SCN3A: variants seen among roughly 807,000 people sequenced by gnomAD.
SCN3A encodes the protein sodium channel protein type 3 subunit alpha.
In SCN3A, 60 loss-of-function variants were observed where a neutral mutation model predicts 187.6. The observed-to-expected ratio is 0.32, with a 90% CI of 0.26 to 0.40. The LOEUF (loss-of-function observed/expected upper bound fraction) is 0.40, where lower values mean the gene tolerates loss of function less well. Ranked by LOEUF, SCN3A falls within the 10% of genes least tolerant of loss-of-function variation. SCN3A has a pLI of 1.00. For synonymous variants in SCN3A, 788 were observed against 829.2 expected, an observed-to-expected ratio of 0.95 and a Z score of 0.85; for missense variants, 1,601 against 2,428.2, an observed-to-expected ratio of 0.66 and a Z score of 7.16.
At chr2:165,138,988 G>C (rs1373188309) in intron 14 of SCN3A, among the ~76,000 whole-genome samples, 2 of 152,110 alleles carry the variant, frequency 1.3e-5, no homozygotes, top group African/African-American at 2.4e-5. Flanking sequence ...GGAATGTAAT[G>C]GTTGCTGTGT....
In SCN3A at chr2:165,113,798, A is replaced by C; in HGVS notation, c.3669+18T>G. 6.2e-7 allele frequency: 1 copy of C among 1,612,134 alleles called. No individual in the cohort carries two copies. The highest frequency in any genetic ancestry group is 8.5e-7 in the Non-Finnish European group (1 of 1,178,302). On this transcript the variant is annotated intron_variant, in intron 20 of 27. Transcript: ENST00000283254. ...ATTTCACCAGAATCTGATTCTTGCC[A>C]ATATGCATTTCACTTACCAATGCAC...
At chr2:165,126,009 A>G (rs1205615966) in intron 18 of SCN3A, among the ~76,000 whole-genome samples, 1 of 152,198 alleles carries the variant, frequency 6.6e-6, no homozygotes, top group Non-Finnish European at 1.5e-5. Context: ...GCAACTCTAA[A>G]ATACCTGAAA....
At chr2:165,091,445 A>G in intron 27 of SCN3A, 100 bp from the exon 28 acceptor site, 1 of 1,371,548 alleles carries the variant, frequency 7.3e-7, no homozygotes, top group Non-Finnish European at 1.0e-6. Context: ...CTTGTTATGA[A>G]TATGAGCCTT....
chr2:165,149,735 A>C (rs1294800186), intron 11 of SCN3A, among the ~76,000 whole-genome samples: 1 of 152,196 alleles, frequency 6.6e-6, no homozygotes, highest in African/African-American at 2.4e-5. Context: ...CCTGCGTATG[A>C]GAATAACTGT....
At chr2:165,192,218 C>T (rs1691658305) in intron 1 of SCN3A, among the ~76,000 whole-genome samples, 1 of 151,876 alleles carries the variant, frequency 6.6e-6, no homozygotes, top group Non-Finnish European at 1.5e-5. Context: ...CATTACAATC[C>T]TCTTTACCTC....
chr2:165,169,806 C>A (rs1293616122), intron 4 of SCN3A, among the ~76,000 whole-genome samples: 1 of 151,890 alleles, frequency 6.6e-6, no homozygotes, highest in Non-Finnish European at 1.5e-5. Context: ...GAAATCCAAA[C>A]ATATTCTGCC....
chr2:165,095,672 A>G (rs765089165), intron 24 of SCN3A, 24 bp from the exon 25 acceptor site: 27 of 1,210,884 alleles, frequency 2.2e-5, no homozygotes, highest in Non-Finnish European at 3.0e-5. Context: ...AAAATATTAA[A>G]TAATATGAAA....
chr2:165,165,572 GT>G (rs907751442), intron 5 of SCN3A, among the ~76,000 whole-genome samples: 28 of 151,724 alleles, frequency 1.8e-4, no homozygotes, highest in African/African-American at 6.3e-4. Context: ...TGCTGTTTTC[GT>G]TTTTTTCCCA....
rs1173729841 is a variant in SCN3A at position 165,166,971 on chromosome 2, C to T, written c.473+1765G>A. Among the ~76,000 whole-genome samples, 5 of 151,222 alleles carry T rather than the reference C, an allele frequency of 3.3e-5. 1 individual carries two copies. The highest frequency in any genetic ancestry group is 4.2e-4 in the South Asian group (2 of 4,804). Reference sequence around the variant, plus strand: ...CTGGAATGCAGTGGTGGGATCTTGGCTCACTGCAACCTCCACCTCCTGGGT... The same window carrying T: ...CTGGAATGCAGTGGTGGGATCTTGGTTCACTGCAACCTCCACCTCCTGGGT... On this transcript the variant is annotated intron_variant, in intron 5 of 27. Coordinates refer to ENST00000283254, the MANE Select transcript of SCN3A (RefSeq NM_006922.4).
At chr2:165,197,088 T>C (rs1000580819) in intron 1 of SCN3A, among the ~76,000 whole-genome samples, 2 of 152,158 alleles carry the variant, frequency 1.3e-5, no homozygotes, top group Non-Finnish European at 2.9e-5. Flanking sequence ...GATAATAAAT[T>C]AACAATTTCA....
chr2:165,177,116 C>T (rs988282012), intron 2 of SCN3A, among the ~76,000 whole-genome samples: 1 of 152,142 alleles, frequency 6.6e-6, no homozygotes, highest in Non-Finnish European at 1.5e-5. Context: ...TTAGTATTTC[C>T]TTTCTTTTAT....
At chr2:165,157,843 T>C (rs551534475) in intron 9 of SCN3A, among the ~76,000 whole-genome samples, 87 of 152,340 alleles carry the variant, frequency 5.7e-4, no homozygotes, top group Non-Finnish European at 1.0e-3. Flanking sequence ...TCAAATGGCT[T>C]CATCTTTGGC....
intron 18 of SCN3A, among the ~76,000 whole-genome samples, chr2:165,126,081 G>C (rs1686972524): frequency 6.6e-6 from 1 of 152,050 alleles, no homozygotes; most frequent in Admixed American, 6.6e-5. Flanking sequence ...TTCAGATCAA[G>C]TTTTGTTGAT....
At position 165,089,999 on chromosome 2, in the gene SCN3A, G is replaced by A. The variant is rs1193180190; in HGVS notation, c.*151C>T. The A allele has an allele frequency of 9.5e-7, 1 of 1,048,120 alleles. No individual in the cohort carries two copies. Among genetic ancestry groups the A allele is most frequent in the African/African-American group, 1.6e-5 (1 of 62,090 alleles). The allele number at this position is 1,048,120 out of a possible 1,614,324, so 64.9% of individuals were successfully genotyped here. On this transcript the variant is annotated 3_prime_UTR_variant, in exon 28 of 28. Coordinates refer to ENST00000283254, the MANE Select transcript of SCN3A (RefSeq NM_006922.4). ...TTCACAGAGTTGCAGTGACAGAGAG[G>A]TCACTTCACTGTCTTGTATAGGCAC...
At chr2:165,174,123 A>G (rs1345555128) in intron 3 of SCN3A, among the ~76,000 whole-genome samples, 1 of 152,186 alleles carries the variant, frequency 6.6e-6, no homozygotes, top group Non-Finnish European at 1.5e-5. Flanking sequence ...AGCTCACTGC[A>G]GCCTCAAACT....
chr2:165,166,337 G>A (rs577556467), intron 5 of SCN3A, among the ~76,000 whole-genome samples: 1 of 152,168 alleles, frequency 6.6e-6, no homozygotes, highest in South Asian at 2.1e-4. Context: ...GGTTGGGCAG[G>A]TAAGTGGGAG....
chr2:165,178,177 ATCTAT>A (rs1690590177), intron 2 of SCN3A, among the ~76,000 whole-genome samples: 1 of 152,048 alleles, frequency 6.6e-6, no homozygotes, highest in Admixed American at 6.5e-5. Context: ...TAGTTCCCTG[ATCTAT>A]TCCAATGACA....
intron 11 of SCN3A, among the ~76,000 whole-genome samples, chr2:165,149,012 T>C (rs1443775122): frequency 6.6e-6 from 1 of 152,124 alleles, no homozygotes; most frequent in Non-Finnish European, 1.5e-5. Flanking sequence ...TACCCTTTCT[T>C]ATCCAAATAA....
At chr2:165,126,438 CCTTT>C (rs1248927998) in intron 18 of SCN3A, among the ~76,000 whole-genome samples, 123 of 151,146 alleles carry the variant, frequency 8.1e-4, no homozygotes, top group African/African-American at 2.4e-3. Flanking sequence ...TCCCTTCCTT[CCTTT>C]CTTTCTCTTT....
Sources: allele counts gnomAD v4.1 joint callset (sites outside exome capture counted in the v4.1 genomes callset), GRCh38; gene constraint gnomAD v4.1.1; transcripts MANE v1.5; gene names NCBI Gene and HGNC (gene_info 2026-07-23, HGNC 2026-07-21).